Variants in ACBD6 observed in about 807,000 individuals in gnomAD.
ACBD6 encodes the protein acyl-CoA-binding domain-containing protein 6.
A neutral mutation model predicts 37.2 loss-of-function variants in ACBD6; 28 were observed. The observed-to-expected ratio is 0.75, with a 90% CI of 0.56 to 1.03. The LOEUF (loss-of-function observed/expected upper bound fraction) is 1.03. Ranked by LOEUF, ACBD6 falls within the 50% of genes least tolerant of loss-of-function variation. ACBD6 has a pLI of 0.00. For synonymous variants in ACBD6, 113 were observed against 126.8 expected, an observed-to-expected ratio of 0.89 and a Z score of 0.73; for missense variants, 340 against 337.4, an observed-to-expected ratio of 1.01 and a Z score of -0.06.
chr1:180,393,715 T>C (rs186226578), intron 6 of ACBD6, among the ~76,000 whole-genome samples: 3 of 152,346 alleles, frequency 2.0e-5, no homozygotes, highest in East Asian at 3.9e-4. Flanking sequence ...CTTCGAAGCA[T>C]GTTAGCAACT....
intron 5 of ACBD6, among the ~76,000 whole-genome samples, chr1:180,409,028 A>C (rs1647741238): frequency 6.6e-6 from 1 of 152,016 alleles, no homozygotes. Context: ...ATGGTAGTGC[A>C]CACCTGTGGT....
chr1:180,380,541 C>T (rs894061904), intron 6 of ACBD6, among the ~76,000 whole-genome samples: 4 of 151,944 alleles, frequency 2.6e-5, no homozygotes, highest in African/African-American at 9.7e-5. Context: ...GAATTCATCG[C>T]CCTAGACTGG....
At chr1:180,371,159 A>G (rs909161105) in intron 6 of ACBD6, among the ~76,000 whole-genome samples, 10 of 151,800 alleles carry the variant, frequency 6.6e-5, no homozygotes, top group Non-Finnish European at 7.4e-5. Context: ...TTTTATAAAG[A>G]AAAAAACATT....
intron 4 of ACBD6, among the ~76,000 whole-genome samples, chr1:180,420,733 G>A (rs1370557419): frequency 6.6e-6 from 1 of 152,118 alleles, no homozygotes; most frequent in Non-Finnish European, 1.5e-5. Flanking sequence ...CATTGTCCGG[G>A]GCTTCTTATT....
At chr1:180,474,065 T>C (rs1165860616) in intron 3 of ACBD6, among the ~76,000 whole-genome samples, 3 of 152,192 alleles carry the variant, frequency 2.0e-5, no homozygotes, top group African/African-American at 7.2e-5. Context: ...CCTGTAAATC[T>C]AAAAGTAGTA....
chr1:180,434,722 T>TA (rs940634705), intron 3 of ACBD6: 1 of 506,026 alleles, frequency 2.0e-6, no homozygotes, highest in Non-Finnish European at 3.6e-6. Context: ...AATGTATTAA[T>TA]AAACTAGGAA....
intron 6 of ACBD6, among the ~76,000 whole-genome samples, chr1:180,393,733 G>C (rs1018691299): frequency 6.6e-6 from 1 of 152,130 alleles, no homozygotes; most frequent in Non-Finnish European, 1.5e-5. Context: ...ACTCAAACTG[G>C]AAAAGCCAAA....
At chr1:180,484,748 A>G (rs949181812) in intron 3 of ACBD6, among the ~76,000 whole-genome samples, 8 of 152,080 alleles carry the variant, frequency 5.3e-5, no homozygotes, top group Admixed American at 5.3e-4. Flanking sequence ...ATACATACAT[A>G]TGTTATGTAT....
intron 1 of ACBD6, among the ~76,000 whole-genome samples, chr1:180,501,485 G>A (rs1490034101): frequency 6.6e-6 from 1 of 152,098 alleles, no homozygotes; most frequent in Non-Finnish European, 1.5e-5. Flanking sequence ...GCGCCACCAC[G>A]CTCGGCTAAC....
intron 5 of ACBD6, among the ~76,000 whole-genome samples, chr1:180,409,726 T>TC (rs1339156292): frequency 1.3e-5 from 2 of 152,208 alleles, no homozygotes; most frequent in Non-Finnish European, 2.9e-5. Flanking sequence ...CCCCCTCTCT[T>TC]CAGGCTTCCC....
In ACBD6 at chr1:180,431,533, G is replaced by A. The variant is rs75153184; in HGVS notation, c.385-1271C>T. On this transcript the variant is annotated intron_variant, in intron 3 of 7. Coordinates refer to ENST00000367595, the MANE Select transcript of ACBD6 (RefSeq NM_032360.4). ...ATGTATTTCTTTATACCAAAAAAAA[G>A]TAGAGATGATCCCCAACTTACAATG... Among the ~76,000 whole-genome samples the A allele has an allele frequency of 4.0e-3, 604 of 152,150 alleles. 2 individuals are homozygous for A. Among genetic ancestry groups the A allele is most frequent in the Admixed American group, 8.0e-3 (122 of 15,284 alleles).
At chr1:180,273,840 G>A (rs1190627739) in intron 11 of ACBD6, 1 of 320,210 alleles carries the variant, frequency 3.1e-6, no homozygotes, top group East Asian at 7.6e-5. Context: ...TTCCATTTGT[G>A]ATGTGGAGAC....
intron 6 of ACBD6, among the ~76,000 whole-genome samples, chr1:180,386,926 C>A (rs974544809): frequency 7.9e-5 from 12 of 152,078 alleles, no homozygotes; most frequent in Non-Finnish European, 1.8e-4. Flanking sequence ...CCTCCTTTTA[C>A]CATTCGAGTT....
chr1:180,434,768 C>T, intron 3 of ACBD6: 3 of 638,380 alleles, frequency 4.7e-6, no homozygotes, highest in Admixed American at 2.2e-5. Flanking sequence ...ATAGCCGCAA[C>T]CGAGCCTGCT....
At chr1:180,480,531 G>C (rs560722526) in intron 3 of ACBD6, among the ~76,000 whole-genome samples, 1 of 152,222 alleles carries the variant, frequency 6.6e-6, no homozygotes, top group South Asian at 2.1e-4. Flanking sequence ...AGGGTAAGGG[G>C]GTAGACAGTT....
intron 4 of ACBD6, among the ~76,000 whole-genome samples, chr1:180,423,067 C>T (rs1648439056): frequency 6.6e-6 from 1 of 151,984 alleles, no homozygotes; most frequent in Admixed American, 6.6e-5. Context: ...GATTTGTGTA[C>T]ATTTTATGGT....
At chr1:180,371,183 T>C (rs1275703318) in intron 6 of ACBD6, among the ~76,000 whole-genome samples, 3 of 151,982 alleles carry the variant, frequency 2.0e-5, no homozygotes, top group African/African-American at 7.2e-5. Context: ...CAGATGATTA[T>C]AAGGAAAAAA....
At position 180,350,023 on chromosome 1, in the gene ACBD6, C is replaced by CTTT. The variant is rs371542775; in HGVS notation, c.664-35304_664-35302dup. 9.2e-3 allele frequency among the ~76,000 whole-genome samples: 602 copies of CTTT among 65,492 alleles called. 8 individuals are homozygous for CTTT. The highest frequency in any genetic ancestry group is 0.023 in the African/African-American group (572 of 24,566). 43.0% of individuals were successfully genotyped at this position (65,492 alleles called of 152,430 possible). A position where few individuals can be genotyped will look rare whatever the true frequency, so the allele number is the denominator to read the frequency against. ...GGTGTTTCAGTCCTCTCCAGTGACC[C>CTTT]TTTTTTTTTTTTTTTTTTTTTGAGC... On this transcript the variant is annotated intron_variant, in intron 6 of 7. Coordinates refer to ENST00000367595, the MANE Select transcript of ACBD6 (RefSeq NM_032360.4).
At chr1:180,416,865 G>C (rs1273798786) in intron 4 of ACBD6, among the ~76,000 whole-genome samples, 1 of 152,094 alleles carries the variant, frequency 6.6e-6, no homozygotes, top group African/African-American at 2.4e-5. Flanking sequence ...CTCATGGCAA[G>C]ACATATAAAG....
Sources: allele counts gnomAD v4.1 joint callset (sites outside exome capture counted in the v4.1 genomes callset), GRCh38; gene constraint gnomAD v4.1.1; transcripts MANE v1.5; gene names NCBI Gene and HGNC (gene_info 2026-07-23, HGNC 2026-07-21).